The following EYS variants were observed in gnomAD, a reference collection of about 807,000 sequenced individuals.
The protein encoded by EYS is protein eyes shut homolog.
EYS carries 250 observed loss-of-function variants against 282.1 expected under a neutral mutation model. That is an observed-to-expected ratio of 0.89 (90% CI 0.80 to 0.98). EYS has a LOEUF of 0.98. Among genes scored for constraint, EYS ranks in the 50% least tolerant of loss-of-function variants. The probability of loss-of-function intolerance (pLI) is 0.00; values close to 1 mark genes in which losing one functional copy is unlikely to be tolerated. For missense variants in EYS, 4,016 were observed against 3,709.0 expected (o/e 1.08, Z -2.15); for synonymous variants, 1,355 against 1,282.9 (o/e 1.06, Z -1.20).
At chr6:64,047,759 T>C (rs1408782694) in intron 33 of EYS, among the ~76,000 whole-genome samples, 2 of 152,182 alleles carry the variant, frequency 1.3e-5, no homozygotes, top group East Asian at 1.9e-4. Context: ...GAAGGTTAAG[T>C]CACTTGCTTG....
At chr6:64,946,545 T>C (rs900206619) in intron 14 of EYS, among the ~76,000 whole-genome samples, 1 of 151,956 alleles carries the variant, frequency 6.6e-6, no homozygotes, top group Non-Finnish European at 1.5e-5. Flanking sequence ...ACTTTCTATA[T>C]GAAAAATATT....
At chr6:63,937,623 C>T (rs1476201756) in intron 35 of EYS, among the ~76,000 whole-genome samples, 17 of 151,722 alleles carry the variant, frequency 1.1e-4, no homozygotes, top group Non-Finnish European at 2.1e-4. Flanking sequence ...CCTCGTGATC[C>T]GCTCGCCTCG....
At chr6:65,176,233 T>C (rs1562005343) in intron 12 of EYS, among the ~76,000 whole-genome samples, 1 of 151,606 alleles carries the variant, frequency 6.6e-6, no homozygotes, top group Non-Finnish European at 1.5e-5. Flanking sequence ...GACCAAGATC[T>C]TGCCATTTCC....
At chr6:65,337,083 G>C (rs1770016108) in intron 10 of EYS, among the ~76,000 whole-genome samples, 1 of 151,316 alleles carries the variant, frequency 6.6e-6, no homozygotes, top group Non-Finnish European at 1.5e-5. Flanking sequence ...TTCATGGTCT[G>C]ATCCTTTATT....
intron 28 of EYS, among the ~76,000 whole-genome samples, chr6:64,391,483 A>G (rs2150427698): frequency 6.6e-6 from 1 of 151,798 alleles, no homozygotes; most frequent in South Asian, 2.1e-4. Flanking sequence ...ACATTCTTAA[A>G]GAAAAGAATT....
chr6:65,329,984 A>T, intron 11 of EYS: 1 of 982,074 alleles, frequency 1.0e-6, no homozygotes. Context: ...TGAATCTCCT[A>T]AAATAGCCTG....
intron 2 of EYS, among the ~76,000 whole-genome samples, chr6:65,534,202 C>T (rs115984034): frequency 6.6e-6 from 1 of 152,094 alleles, no homozygotes; most frequent in African/African-American, 2.4e-5. Flanking sequence ...ATTAATCATT[C>T]TGGCTTTGTG....
rs572207116 is a variant in EYS at position 64,901,420 on chromosome 6, A to G, written c.2846+693T>C. Among the ~76,000 whole-genome samples, 4 of 151,766 alleles carry G rather than the reference A, an allele frequency of 2.6e-5. No individual in the cohort carries two copies. The East Asian group carries it at 5.8e-4, about 22-fold the overall frequency. ...ATTATTATAAGAATGCAGGGAGACT[A>G]CAATAAGATATAACTTTACACACAG... On this transcript the variant is annotated intron_variant, in intron 18 of 42. Transcript: ENST00000503581.
At chr6:64,183,353 G>A (rs1036136216) in intron 31 of EYS, among the ~76,000 whole-genome samples, 1 of 152,156 alleles carries the variant, frequency 6.6e-6, no homozygotes, top group African/African-American at 2.4e-5. Context: ...CTACTCATGT[G>A]TGTGCCCTTC....
chr6:65,681,477 T>G (rs575053922), intron 1 of EYS, among the ~76,000 whole-genome samples: 1 of 152,140 alleles, frequency 6.6e-6, no homozygotes, highest in Non-Finnish European at 1.5e-5. Flanking sequence ...GTGAGGAAGA[T>G]AATTTAACAA....
intron 5 of EYS, among the ~76,000 whole-genome samples, chr6:65,459,667 G>A (rs1180172304): frequency 1.3e-5 from 2 of 151,518 alleles, no homozygotes; most frequent in Non-Finnish European, 3.0e-5. Flanking sequence ...TTAAATGAAT[G>A]AATGGATAAA....
chr6:65,382,193 G>A (rs1323875908), intron 8 of EYS, among the ~76,000 whole-genome samples: 1 of 142,438 alleles, frequency 7.0e-6, no homozygotes, highest in Admixed American at 7.1e-5. Context: ...ACATGGTCAT[G>A]AAGAACCTCA....
At chr6:64,778,133 A>G (rs4710495) in intron 22 of EYS, among the ~76,000 whole-genome samples, 62,935 of 151,994 alleles carry the variant, frequency 0.41, 15,531 homozygotes, top group Admixed American at 0.59. Context: ...CTCAGATGCC[A>G]GAAGAACTTG....
intron 8 of EYS, among the ~76,000 whole-genome samples, chr6:65,375,154 G>A (rs1411851395): frequency 6.6e-6 from 1 of 152,114 alleles, no homozygotes; most frequent in Admixed American, 6.6e-5. Context: ...CATCTGGTGG[G>A]TGCCCCTCTG....
intron 13 of EYS, among the ~76,000 whole-genome samples, chr6:65,020,172 T>TA (rs2150138010): frequency 6.6e-6 from 1 of 152,240 alleles, no homozygotes; most frequent in African/African-American, 2.4e-5. Flanking sequence ...ATCATGCCCT[T>TA]ACGATAGTAC....
intron 29 of EYS, among the ~76,000 whole-genome samples, chr6:64,358,424 G>T (rs1189220079): frequency 1.3e-5 from 2 of 151,620 alleles, no homozygotes; most frequent in Non-Finnish European, 3.0e-5. Context: ...GTACCTACAG[G>T]TATTTGGGAT....
chr6:64,154,053 G>C (rs963645323), intron 31 of EYS, among the ~76,000 whole-genome samples: 2 of 152,154 alleles, frequency 1.3e-5, no homozygotes, highest in African/African-American at 4.8e-5. Context: ...ACTGTTTTTA[G>C]ATATTTATTT....
intron 22 of EYS, among the ~76,000 whole-genome samples, chr6:64,667,015 G>A (rs1242794595): frequency 1.3e-5 from 2 of 151,888 alleles, no homozygotes; most frequent in Non-Finnish European, 2.9e-5. Flanking sequence ...AGGGAAAGGA[G>A]CAAATCATCA....
At position 64,856,684 on chromosome 6, in the gene EYS, C is replaced by G. The variant is rs144917616; in HGVS notation, c.2992+30013G>C. The stretch of plus-strand genomic sequence containing the variant: ...GAATATAAGTTTCTTAACATATGCA[C>G]GTTTCACAAACATTTTATCTCATTT... On this transcript the variant is annotated intron_variant, in intron 19 of 42. Coordinates refer to ENST00000503581, the MANE Select transcript of EYS (RefSeq NM_001142800.2). Among the ~76,000 whole-genome samples, 4 of 152,192 alleles carry G rather than the reference C, an allele frequency of 2.6e-5. No homozygotes were observed. The East Asian group carries it at 7.7e-4, about 29-fold the overall frequency.
Sources: gnomAD v4.1 joint callset for allele counts (sites outside exome capture counted in the v4.1 genomes callset) on GRCh38, gnomAD v4.1.1 for gene constraint, MANE v1.5 for transcripts, NCBI Gene and HGNC (gene_info 2026-07-23, HGNC 2026-07-21) for gene names.